SOX5: variants seen among roughly 807,000 people sequenced by gnomAD.
SOX5 encodes the protein SRY-box transcription factor 5.
A neutral mutation model predicts 92.0 loss-of-function variants in SOX5; 9 were observed. The observed-to-expected ratio is 0.10, with a 90% CI of 0.06 to 0.17. The LOEUF (loss-of-function observed/expected upper bound fraction) is 0.17, where lower values mean the gene tolerates loss of function less well. Among genes scored for constraint, SOX5 ranks in the 10% least tolerant of loss-of-function variants. SOX5 has a pLI of 1.00. For synonymous variants in SOX5, 344 were observed against 336.3 expected (o/e 1.02, Z -0.25); for missense variants, 642 against 944.5 (o/e 0.68, Z 4.20).
intron 2 of SOX5, among the ~76,000 whole-genome samples, chr12:23,853,238 T>A (rs535192328): frequency 2.6e-4 from 40 of 151,384 alleles, no homozygotes; most frequent in African/African-American, 8.0e-4. Context: ...ACTAACTATA[T>A]AGATTAGGAA....
intron 1 of SOX5, among the ~76,000 whole-genome samples, chr12:24,469,548 T>G (rs1186438230): frequency 2.0e-5 from 3 of 152,176 alleles, no homozygotes; most frequent in African/African-American, 7.2e-5. Flanking sequence ...CCTTTAGATA[T>G]TCCATTGTAC....
At chr12:24,528,587 C>T (rs1321586608) in intron 1 of SOX5, among the ~76,000 whole-genome samples, 1 of 152,180 alleles carries the variant, frequency 6.6e-6, no homozygotes, top group Non-Finnish European at 1.5e-5. Flanking sequence ...TATCACTATC[C>T]CTTGGAAAAC....
intron 1 of SOX5, among the ~76,000 whole-genome samples, chr12:24,454,562 G>A (rs1037654624): frequency 2.6e-5 from 4 of 152,028 alleles, no homozygotes; most frequent in South Asian, 2.1e-4. Context: ...TACGGGAATC[G>A]CTTTCTTTCT....
At chr12:24,257,477 G>GTT (rs61338300) in intron 3 of SOX5, among the ~76,000 whole-genome samples, 10 of 151,702 alleles carry the variant, frequency 6.6e-5, no homozygotes, top group South Asian at 6.3e-4. Context: ...GTTTTGTTTT[G>GTT]TTTTTTTCTG....
At chr12:24,240,205 A>G (rs1965306999) in intron 3 of SOX5, among the ~76,000 whole-genome samples, 1 of 152,188 alleles carries the variant, frequency 6.6e-6, no homozygotes, top group Admixed American at 6.5e-5. Flanking sequence ...GCTCAAAATT[A>G]AAACCCTGAT....
intron 2 of SOX5, among the ~76,000 whole-genome samples, chr12:24,308,464 T>C (rs1351556744): frequency 3.3e-5 from 5 of 152,242 alleles, no homozygotes; most frequent in Non-Finnish European, 7.3e-5. Context: ...AACTTGCCTC[T>C]GTCTCTCCTT....
intron 1 of SOX5, among the ~76,000 whole-genome samples, chr12:24,484,979 G>A (rs1314834221): frequency 6.6e-6 from 1 of 152,112 alleles, no homozygotes; most frequent in African/African-American, 2.4e-5. Flanking sequence ...AACTCTGAGG[G>A]CTAGAAAGAT....
chr12:24,095,126 CACAGAGAGAGAGAG>C (rs1460692946), intron 4 of SOX5, among the ~76,000 whole-genome samples: 141 of 90,200 alleles, frequency 1.6e-3, no homozygotes, highest in Middle Eastern at 0.016. Context: ...CACACACACA[CACAGAGAGAGAGAG>C]AGAGAGAGAG....
chr12:24,122,856 A>T (rs1948765493), intron 4 of SOX5, among the ~76,000 whole-genome samples: 1 of 152,226 alleles, frequency 6.6e-6, no homozygotes, highest in African/African-American at 2.4e-5. Flanking sequence ...AAAATGTTTG[A>T]AGGACACAAT....
intron 3 of SOX5, among the ~76,000 whole-genome samples, chr12:24,263,319 A>G (rs139054904): frequency 0.043 from 6,468 of 152,010 alleles, 194 homozygotes; most frequent in African/African-American, 0.078. Flanking sequence ...TGAGGTCAGG[A>G]GATCGAGACC....
At chr12:24,090,253 C>T (rs1944483219) in intron 4 of SOX5, among the ~76,000 whole-genome samples, 1 of 151,900 alleles carries the variant, frequency 6.6e-6, no homozygotes, top group Non-Finnish European at 1.5e-5. Flanking sequence ...GTGCCCTTTC[C>T]AAATCCTTAC....
chr12:24,106,694 T>C lies in SOX5; in HGVS notation c.-2+106649A>G, dbSNP rs375904674. On this transcript the variant is annotated intron_variant, in intron 4 of 4. Transcript: ENST00000446891. ...CTAATCCCAGGTATTCGGGAGGCTG[T>C]GGTGGGGGAATTGCTTGAGCCCAGG... 3.3e-4 allele frequency among the ~76,000 whole-genome samples: 50 copies of C among 151,274 alleles called. No homozygotes were observed. The East Asian group carries it at 9.1e-3, about 28-fold the overall frequency.
chr12:24,122,528 C>T (rs578043460), intron 4 of SOX5, among the ~76,000 whole-genome samples: 11 of 152,252 alleles, frequency 7.2e-5, no homozygotes, highest in African/African-American at 1.9e-4. Context: ...TATTTAGTGG[C>T]GCATTACACT....
intron 1 of SOX5, among the ~76,000 whole-genome samples, chr12:24,501,867 T>C (rs2138142959): frequency 6.6e-6 from 1 of 152,326 alleles, no homozygotes; most frequent in South Asian, 2.1e-4. Context: ...ACTGACACTG[T>C]ATAATTTCTA....
intron 4 of SOX5, among the ~76,000 whole-genome samples, chr12:23,976,693 T>C (rs543442808): frequency 2.0e-5 from 3 of 152,260 alleles, no homozygotes; most frequent in Admixed American, 6.5e-5. Flanking sequence ...GCAACGTCAT[T>C]ATACTACAAA....
intron 10 of SOX5, among the ~76,000 whole-genome samples, chr12:23,565,746 AGT>A (rs55664203): frequency 0.042 from 6,451 of 152,302 alleles, 193 homozygotes; most frequent in Non-Finnish European, 0.069. Context: ...CTTGAGTTTT[AGT>A]TATAATGCTG....
intron 1 of SOX5, among the ~76,000 whole-genome samples, chr12:23,917,743 TG>T (rs1299016317): frequency 6.6e-6 from 1 of 152,182 alleles, no homozygotes; most frequent in African/African-American, 2.4e-5. Context: ...TCGACCTTTC[TG>T]GTTCCTCTTA....
intron 4 of SOX5, among the ~76,000 whole-genome samples, chr12:23,753,573 TA>T (rs917090064): frequency 6.6e-6 from 1 of 151,584 alleles, no homozygotes; most frequent in Non-Finnish European, 1.5e-5. Context: ...TTTCAGATTT[TA>T]AAAAAAAGAT....
At chr12:24,163,792 T>C (rs1392718988) in intron 4 of SOX5, among the ~76,000 whole-genome samples, 2 of 152,024 alleles carry the variant, frequency 1.3e-5, no homozygotes, top group Non-Finnish European at 2.9e-5. Context: ...AAAAAGTATA[T>C]GTATGGGTCT....
Sources: gnomAD v4.1 joint callset for allele counts (sites outside exome capture counted in the v4.1 genomes callset) on GRCh38, gnomAD v4.1.1 for gene constraint, MANE v1.5 for transcripts, NCBI Gene and HGNC (gene_info 2026-07-23, HGNC 2026-07-21) for gene names.